ADAMTS6: variants seen among roughly 807,000 people sequenced by gnomAD.
The protein encoded by ADAMTS6 is ADAM metallopeptidase with thrombospondin type 1 motif 6, also known as A disintegrin and metalloproteinase with thrombospondin motifs 6.
In ADAMTS6, 23 loss-of-function variants were observed where a neutral mutation model predicts 144.3. That is an observed-to-expected ratio of 0.16 (90% confidence interval 0.11 to 0.23). The LOEUF (loss-of-function observed/expected upper bound fraction) is 0.23. Among genes scored for constraint, ADAMTS6 ranks in the 10% least tolerant of loss-of-function variants. ADAMTS6 has a pLI of 1.00. For synonymous variants in ADAMTS6, 444 were observed against 457.5 expected (o/e 0.97, Z 0.38); for missense variants, 999 against 1,379.6 (o/e 0.72, Z 4.37).
intron 7 of ADAMTS6, among the ~76,000 whole-genome samples, chr5:65,414,177 C>T (rs1561520110): frequency 6.6e-6 from 1 of 152,166 alleles, no homozygotes; most frequent in Non-Finnish European, 1.5e-5. Flanking sequence ...ACTCTTAGCT[C>T]ATACCCCTTT....
At chr5:65,304,239 A>G (rs780860692) in intron 9 of ADAMTS6, among the ~76,000 whole-genome samples, 1 of 152,238 alleles carries the variant, frequency 6.6e-6, no homozygotes, top group Non-Finnish European at 1.5e-5. Flanking sequence ...CAAATAGTTC[A>G]CTTACAGTGA....
chr5:65,180,932 A>T (rs562851503), intron 22 of ADAMTS6, among the ~76,000 whole-genome samples: 6 of 152,342 alleles, frequency 3.9e-5, no homozygotes, highest in African/African-American at 1.4e-4. Context: ...TACTACTGCC[A>T]CTAATAGCAT....
At position 65,224,468 on chromosome 5, in the gene ADAMTS6, A is replaced by C. The variant is rs1313547336; in HGVS notation, c.2192-68T>G. The C allele has an allele frequency of 1.6e-5, 20 of 1,279,854 alleles. No individual in the cohort carries two copies. The South Asian group carries it at 2.3e-4, about 15-fold the overall frequency. 79.3% of individuals were successfully genotyped at this position (1,279,854 alleles called of 1,614,324 possible). A position where few individuals can be genotyped will look rare whatever the true frequency, so the allele number is the denominator to read the frequency against. ...GAAATGAGTATTTGGTAACCATTCAATAGTAATAGTTTCCTTATTATTCCA... is the reference window on the plus strand; with the variant it reads ...GAAATGAGTATTTGGTAACCATTCACTAGTAATAGTTTCCTTATTATTCCA... On this transcript the variant is annotated intron_variant, in intron 17 of 24. Transcript: ENST00000381055.
At chr5:65,472,009 A>G (rs543921788) in intron 2 of ADAMTS6, among the ~76,000 whole-genome samples, 39 of 152,340 alleles carry the variant, frequency 2.6e-4, no homozygotes, top group African/African-American at 8.9e-4. Flanking sequence ...AATTTCCATC[A>G]ATTGATGAAT....
At chr5:65,410,730 T>TG (rs1210975729) in intron 7 of ADAMTS6, among the ~76,000 whole-genome samples, 1 of 152,188 alleles carries the variant, frequency 6.6e-6, no homozygotes, top group Non-Finnish European at 1.5e-5. Context: ...TCTATGACTT[T>TG]GACTTTTTTA....
At chr5:65,309,122 C>CGG (rs968058527) in intron 9 of ADAMTS6, among the ~76,000 whole-genome samples, 1 of 139,448 alleles carries the variant, frequency 7.2e-6, no homozygotes, top group Non-Finnish European at 1.6e-5. Context: ...GGGTTGGTGG[C>CGG]GGGGGGGTGG....
chr5:65,401,863 G>C (rs1753946699), intron 7 of ADAMTS6, among the ~76,000 whole-genome samples: 1 of 152,074 alleles, frequency 6.6e-6, no homozygotes. Context: ...GAAATTCTTT[G>C]ATTTTCTCAC....
chr5:65,297,593 C>T, intron 10 of ADAMTS6, among the ~76,000 whole-genome samples: 1 of 152,122 alleles, frequency 6.6e-6, no homozygotes, highest in East Asian at 1.9e-4. Context: ...ACCTCAATCC[C>T]TGATCAAAAT....
At chr5:65,375,812 G>A (rs1378141224) in intron 7 of ADAMTS6, among the ~76,000 whole-genome samples, 13 of 152,122 alleles carry the variant, frequency 8.5e-5, no homozygotes, top group African/African-American at 3.1e-4. Flanking sequence ...ACATGCACAC[G>A]TATGTTTATT....
intron 21 of ADAMTS6, among the ~76,000 whole-genome samples, chr5:65,188,983 T>C (rs1754836570): frequency 6.6e-6 from 1 of 152,202 alleles, no homozygotes; most frequent in Non-Finnish European, 1.5e-5. Flanking sequence ...AGACCAGGTA[T>C]CCATCCTGAG....
At chr5:65,370,429 G>C (rs1272509768) in intron 7 of ADAMTS6, among the ~76,000 whole-genome samples, 4 of 152,180 alleles carry the variant, frequency 2.6e-5, no homozygotes, top group African/African-American at 9.7e-5. Flanking sequence ...CACCATGCGT[G>C]AGCCGAAGCA....
At chr5:65,260,300 A>C (rs1761063713) in intron 14 of ADAMTS6, among the ~76,000 whole-genome samples, 1 of 152,120 alleles carries the variant, frequency 6.6e-6, no homozygotes, top group Non-Finnish European at 1.5e-5. Context: ...CTGTGGAGTC[A>C]AGAAAGATAG....
intron 7 of ADAMTS6, among the ~76,000 whole-genome samples, chr5:65,402,002 C>T (rs547718840): frequency 3.9e-5 from 6 of 152,202 alleles, no homozygotes; most frequent in Admixed American, 3.9e-4. Flanking sequence ...ATTTATTTAA[C>T]ATTGTTATTT....
intron 7 of ADAMTS6, among the ~76,000 whole-genome samples, chr5:65,389,178 T>C (rs1358456272): frequency 6.6e-6 from 1 of 151,084 alleles, no homozygotes; most frequent in Non-Finnish European, 1.5e-5. Flanking sequence ...CACTCCAGCC[T>C]GGGCGACAGA....
At chr5:65,434,818 A>G (rs1257400347) in intron 7 of ADAMTS6, among the ~76,000 whole-genome samples, 1 of 152,188 alleles carries the variant, frequency 6.6e-6, no homozygotes, top group Non-Finnish European at 1.5e-5. Context: ...CACATTGTAG[A>G]GCACTTAGTC....
At chr5:65,297,588 A>G (rs554343716) in intron 10 of ADAMTS6, among the ~76,000 whole-genome samples, 1 of 152,312 alleles carries the variant, frequency 6.6e-6, no homozygotes, top group East Asian at 1.9e-4. Flanking sequence ...ATGTAACCTC[A>G]ATCCCTGATC....
intron 3 of ADAMTS6, among the ~76,000 whole-genome samples, chr5:65,469,702 A>C (rs752113740): frequency 6.6e-6 from 1 of 152,230 alleles, no homozygotes; most frequent in Non-Finnish European, 1.5e-5. Context: ...TCCTATATAC[A>C]TCTACAGTGA....
At chr5:65,377,770 A>G (rs921302463) in intron 7 of ADAMTS6, among the ~76,000 whole-genome samples, 3 of 152,228 alleles carry the variant, frequency 2.0e-5, no homozygotes, top group African/African-American at 7.2e-5. Context: ...ATAACAAAGT[A>G]CCACAAATTG....
chr5:65,398,784 GA>G (rs532013472), intron 7 of ADAMTS6, among the ~76,000 whole-genome samples: 4 of 48,510 alleles, frequency 8.2e-5, no homozygotes, highest in Non-Finnish European at 1.6e-4. Flanking sequence ...GAGAGAGCAA[GA>G]AAGAAAGAAA....
Sources: allele counts gnomAD v4.1 joint callset (sites outside exome capture counted in the v4.1 genomes callset), GRCh38; gene constraint gnomAD v4.1.1; transcripts MANE v1.5; gene names NCBI Gene and HGNC (gene_info 2026-07-23, HGNC 2026-07-21).